PDZD2: variants seen among roughly 807,000 people sequenced by gnomAD.
PDZD2 encodes the protein PDZ domain-containing protein 2.
Under a neutral mutation model 220.7 loss-of-function variants are expected in PDZD2, and 90 were observed. That is an observed-to-expected ratio of 0.41 (90% CI 0.34 to 0.49). PDZD2 has a LOEUF of 0.49. PDZD2 is among the 20% of genes least tolerant of loss of function. PDZD2 has a pLI of 0.28. For missense variants in PDZD2, 3,174 were observed against 3,608.5 expected (o/e 0.88, Z 3.08); for synonymous variants, 1,375 against 1,450.5 (o/e 0.95, Z 1.18).
intron 3 of PDZD2, among the ~76,000 whole-genome samples, chr5:31,989,168 T>A (rs1750976837): frequency 6.6e-6 from 1 of 152,168 alleles, no homozygotes; most frequent in Non-Finnish European, 1.5e-5. Context: ...AACATTTTTC[T>A]TGATAGATAA....
In PDZD2 at chr5:32,087,103, G is replaced by C. The variant is rs1245535196; in HGVS notation, c.3683-28G>C. On this transcript the variant is annotated intron_variant, in intron 19 of 24. Coordinates refer to ENST00000438447, the MANE Select transcript of PDZD2 (RefSeq NM_178140.4). The surrounding 1 kb of genome is among the most constrained non-coding windows in gnomAD (Gnocchi z 4.0). Reference sequence around the variant, plus strand: ...CTCCCCTACAACCTCTCCTGTGTATGTACCTTCTGTTTACGTTCCCCACGT... The same window carrying C: ...CTCCCCTACAACCTCTCCTGTGTATCTACCTTCTGTTTACGTTCCCCACGT... 7.4e-7 allele frequency: 1 copy of C among 1,358,898 alleles called. No homozygotes were observed. The highest frequency in any genetic ancestry group is 2.3e-5 in the East Asian group (1 of 43,132). The allele number at this position is 1,358,898 out of a possible 1,614,324, so 84.2% of individuals were successfully genotyped here.
chr5:31,694,786 T>G (rs1173802473), intron 1 of PDZD2, among the ~76,000 whole-genome samples: 1 of 138,376 alleles, frequency 7.2e-6, no homozygotes, highest in African/African-American at 3.0e-5. Flanking sequence ...TTTATTTTAT[T>G]TTATTTATTT....
At chr5:31,917,286 G>A (rs58772000) in intron 2 of PDZD2, among the ~76,000 whole-genome samples, 8,155 of 152,238 alleles carry the variant, frequency 0.054, 663 homozygotes, top group East Asian at 0.35. Flanking sequence ...AGTGGCTCAC[G>A]TCTATAATCC....
intron 2 of PDZD2, among the ~76,000 whole-genome samples, chr5:31,937,524 C>T (rs1195436394): frequency 1.3e-5 from 2 of 152,170 alleles, no homozygotes; most frequent in Non-Finnish European, 2.9e-5. Flanking sequence ...ATCCTCATGC[C>T]GTGGTGGCCA....
chr5:31,760,804 C>A (rs935440067), intron 1 of PDZD2, among the ~76,000 whole-genome samples: 1 of 152,224 alleles, frequency 6.6e-6, no homozygotes, highest in Non-Finnish European at 1.5e-5. Context: ...TGCCTGTAAT[C>A]CCAGCTACTT....
chr5:31,955,022 G>GC (rs975579215), intron 2 of PDZD2, among the ~76,000 whole-genome samples: 1 of 152,180 alleles, frequency 6.6e-6, no homozygotes, highest in African/African-American at 2.4e-5. Context: ...CCGGGGTTGA[G>GC]CACTGGAGCA....
At position 31,798,982 on chromosome 5, in the gene PDZD2, G is replaced by T. The variant is rs1281228930; in HGVS notation, c.-267G>T. On this transcript the variant is annotated 5_prime_UTR_variant, in exon 2 of 25. Transcript: ENST00000438447. ...ATGGGTCCTGCTGTGAAATGAACCT[G>T]GCAGGGACTTGTTAGACACTTCCTT... 4.1e-6 allele frequency: 2 copies of T among 489,738 alleles called. No individual in the cohort carries two copies. Among genetic ancestry groups the T allele is most frequent in the African/African-American group, 1.9e-5 (1 of 52,646 alleles). The allele number at this position is 489,738 out of a possible 1,614,324, so 30.3% of individuals were successfully genotyped here. A position where few individuals can be genotyped will look rare whatever the true frequency, so the allele number is the denominator to read the frequency against.
chr5:32,028,684 GTTT>G (rs1287949594), intron 6 of PDZD2, among the ~76,000 whole-genome samples: 1 of 97,492 alleles, frequency 1.0e-5, no homozygotes. Context: ...TGTTTTTTTT[GTTT>G]TTTTTTTTTT....
chr5:31,668,097 G>T (rs1746075053), intron 1 of PDZD2, among the ~76,000 whole-genome samples: 1 of 152,068 alleles, frequency 6.6e-6, no homozygotes, highest in Admixed American at 6.5e-5. Flanking sequence ...TCCTGACTTT[G>T]TGATCTGCCC....
intron 2 of PDZD2, chr5:31,923,569 A>T (rs942060325): frequency 3.6e-6 from 3 of 844,002 alleles, no homozygotes; most frequent in Admixed American, 3.5e-5. Flanking sequence ...GGAGGCAATC[A>T]GTGGACAGCA....
At chr5:31,725,961 T>A in intron 1 of PDZD2, 1 of 605,982 alleles carries the variant, frequency 1.7e-6, no homozygotes, top group African/African-American at 1.8e-5. Flanking sequence ...GCGTAACAGA[T>A]GATGAAATAG....
intron 2 of PDZD2, among the ~76,000 whole-genome samples, chr5:31,850,649 T>C (rs2150298101): frequency 6.7e-6 from 1 of 150,200 alleles, no homozygotes; most frequent in Non-Finnish European, 1.5e-5. Flanking sequence ...TTTTTTTTTT[T>C]TTTTTGAGAC....
intron 1 of PDZD2, among the ~76,000 whole-genome samples, chr5:31,766,116 G>C (rs533343880): frequency 1.7e-4 from 26 of 152,278 alleles, no homozygotes; most frequent in Admixed American, 5.2e-4. Flanking sequence ...GGAGGCTGAG[G>C]CTGCAGTGAG....
chr5:32,046,670 C>T (rs867428938), intron 7 of PDZD2, among the ~76,000 whole-genome samples: 1 of 152,232 alleles, frequency 6.6e-6, no homozygotes, highest in Middle Eastern at 3.4e-3. Context: ...AGACAGTGAA[C>T]AGGCAAAGCG....
In PDZD2 at chr5:32,087,122, C is replaced by T. The variant is rs157494; in HGVS notation, c.3683-9C>T. ...GTGTATGTACCTTCTGTTTACGTTC[C>T]CCACGTAGAACTGGACAGCTCCTCA... On this transcript the variant is annotated splice_polypyrimidine_tract_variant and intron_variant, in intron 19 of 24. Transcript: ENST00000438447. The surrounding 1 kb of genome is among the most constrained non-coding windows in gnomAD (Gnocchi z 4.0). The T allele has an allele frequency of 0.35, 542,662 of 1,546,100 alleles. 101,280 individuals carry two copies. The highest frequency in any genetic ancestry group is 0.65 in the East Asian group (28,772 of 44,280).
At chr5:32,100,812 C>T (rs758695145) in intron 23 of PDZD2, 2 of 1,241,298 alleles carry the variant, frequency 1.6e-6, no homozygotes, top group Admixed American at 3.9e-5. Context: ...GAGCACTTTG[C>T]TTTCTGGGGA....
chr5:32,108,384 T>TTTATG lies in PDZD2; in HGVS notation c.*257_*261dup, dbSNP rs372564574. ...TTCGTTCCAGTGCCTGTCCCCTACC[T>TTTATG]TTATGTTATGTTTACTGATGGGGAT... On this transcript the variant is annotated 3_prime_UTR_variant, in exon 25 of 25. Coordinates refer to ENST00000438447, the MANE Select transcript of PDZD2 (RefSeq NM_178140.4). The TTTATG allele has an allele frequency of 1.4e-5, 4 of 294,374 alleles. No individual in the cohort carries two copies. The highest frequency in any genetic ancestry group is 1.2e-4 in the East Asian group (2 of 17,364). The allele number at this position is 294,374 out of a possible 1,614,324, so 18.2% of individuals were successfully genotyped here.
At chr5:31,962,970 TTTCTC>T in intron 2 of PDZD2, among the ~76,000 whole-genome samples, 1 of 152,344 alleles carries the variant, frequency 6.6e-6, no homozygotes, top group East Asian at 1.9e-4. Flanking sequence ...TGCTTTCCGT[TTTCTC>T]TAAATAGGAG....
intron 6 of PDZD2, among the ~76,000 whole-genome samples, chr5:32,020,040 T>C (rs1754074950): frequency 6.7e-6 from 1 of 150,256 alleles, no homozygotes; most frequent in African/African-American, 2.4e-5. Flanking sequence ...AATATATATA[T>C]ATACACACAT....
Sources: gnomAD v4.1 joint callset for allele counts (sites outside exome capture counted in the v4.1 genomes callset) on GRCh38, gnomAD v4.1.1 for gene constraint, Gnocchi (gnomAD v3.1) non-coding constraint, MANE v1.5 for transcripts, NCBI Gene and HGNC (gene_info 2026-07-23, HGNC 2026-07-21) for gene names.